Variants in PLEKHA2 observed in about 807,000 individuals in gnomAD.
The protein encoded by PLEKHA2 is pleckstrin homology domain containing A2.
PLEKHA2 carries 28 observed loss-of-function variants against 53.2 expected under a neutral mutation model. That is an observed-to-expected ratio of 0.53 (90% CI 0.39 to 0.72). The LOEUF (loss-of-function observed/expected upper bound fraction) is 0.72. PLEKHA2 is among the 30% of genes least tolerant of loss of function. The pLI, the probability that PLEKHA2 is intolerant of heterozygous loss-of-function variation, is 0.00. For missense variants in PLEKHA2, 426 were observed against 537.9 expected (o/e 0.79, Z 2.06); for synonymous variants, 193 against 196.4 (o/e 0.98, Z 0.14).
chr8:38,965,147 G>C (rs1835112515), intron 10 of PLEKHA2, among the ~76,000 whole-genome samples: 1 of 152,154 alleles, frequency 6.6e-6, no homozygotes, highest in African/African-American at 2.4e-5. Flanking sequence ...AATAATAGTG[G>C]TATTTTGATT....
chr8:38,967,806 C>T lies in PLEKHA2; in HGVS notation c.838-786C>T, dbSNP rs111325229. Among the ~76,000 whole-genome samples, 7 of 151,956 alleles carry T rather than the reference C, an allele frequency of 4.6e-5. 1 individual carries two copies. Among genetic ancestry groups the T allele is most frequent in the African/African-American group, 1.4e-4 (6 of 41,454 alleles). On this transcript the variant is annotated intron_variant, in intron 10 of 11. Coordinates refer to ENST00000617275, the MANE Select transcript of PLEKHA2 (RefSeq NM_021623.2). ...CCTCCCAAATAGCTGGGACTACGGG[C>T]GCACGCCACCACTCCTGGCTAATTT...
In PLEKHA2 at chr8:38,958,297, TG is replaced by T. The variant is rs564775310; in HGVS notation, c.837+914del. Among the ~76,000 whole-genome samples, 62 of 151,306 alleles carry T rather than the reference TG, an allele frequency of 4.1e-4. No homozygotes were observed. The South Asian group carries it at 5.2e-3, about 13-fold the overall frequency. On this transcript the variant is annotated intron_variant, in intron 10 of 11. Transcript: ENST00000617275. ...GAGATCATACCACTGCACTCCAGCC[TG>T]GGTGACAGAGCGAGACTTTGTCTCA...
chr8:38,940,657 G>C (rs990445012), intron 3 of PLEKHA2, among the ~76,000 whole-genome samples: 13 of 104,422 alleles, frequency 1.2e-4, no homozygotes, highest in South Asian at 7.9e-4. Flanking sequence ...GGGCGGGGGG[G>C]GGGGGTCAGA....
At chr8:38,909,110 T>A (rs943722171) in intron 1 of PLEKHA2, among the ~76,000 whole-genome samples, 1 of 150,904 alleles carries the variant, frequency 6.6e-6, no homozygotes, top group African/African-American at 2.4e-5. Flanking sequence ...GCCACTGCAC[T>A]CCAACCTGGG....
At chr8:38,954,277 G>A (rs1438022817) in intron 9 of PLEKHA2, among the ~76,000 whole-genome samples, 1 of 152,230 alleles carries the variant, frequency 6.6e-6, no homozygotes, top group Non-Finnish European at 1.5e-5. Context: ...GCAAATGGCA[G>A]TTGCAGAGTA....
intron 10 of PLEKHA2, among the ~76,000 whole-genome samples, chr8:38,967,819 T>G (rs1450412999): frequency 6.6e-6 from 1 of 151,830 alleles, no homozygotes; most frequent in East Asian, 1.9e-4. Flanking sequence ...ACGCCACCAC[T>G]CCTGGCTAAT....
intron 1 of PLEKHA2, among the ~76,000 whole-genome samples, chr8:38,910,143 G>T (rs1833935192): frequency 6.6e-6 from 1 of 152,112 alleles, no homozygotes; most frequent in Non-Finnish European, 1.5e-5. Context: ...TTTTGGTACA[G>T]ATGAGGTTTT....
At chr8:38,936,183 C>T (rs1834491776) in intron 3 of PLEKHA2, 133 bp downstream of exon 3, 1 of 933,216 alleles carries the variant, frequency 1.1e-6, no homozygotes, top group African/African-American at 1.6e-5. Flanking sequence ...CCCCTGAACC[C>T]ACACAATGCC....
At chr8:38,945,025 T>C (rs1834684195) in intron 4 of PLEKHA2, among the ~76,000 whole-genome samples, 1 of 151,872 alleles carries the variant, frequency 6.6e-6, no homozygotes, top group Non-Finnish European at 1.5e-5. Flanking sequence ...CTGTTAAGGG[T>C]CTCAGTTGCC....
intron 9 of PLEKHA2, among the ~76,000 whole-genome samples, chr8:38,953,931 C>T (rs1013359466): frequency 2.0e-5 from 3 of 152,222 alleles, no homozygotes; most frequent in African/African-American, 4.8e-5. Flanking sequence ...TAGTTACCTT[C>T]CAAGTGCCAC....
rs754269100 is a variant in PLEKHA2 at position 38,957,320 on chromosome 8, T to C, written c.774-3T>C. 1.9e-6 allele frequency: 3 copies of C among 1,610,358 alleles called. No homozygotes were observed. ...ATAACATTCTTTCTCTTTCTCTGTC[T>C]AGTGATCTCTTAATGAGGGACAACC... On this transcript the variant is annotated splice_polypyrimidine_tract_variant and splice_region_variant and intron_variant, in intron 9 of 11. Transcript: ENST00000617275.
At chr8:38,940,651 G>GGGGGGC (rs1834591292) in intron 3 of PLEKHA2, among the ~76,000 whole-genome samples, 2 of 12,304 alleles carry the variant, frequency 1.6e-4, no homozygotes, top group African/African-American at 5.6e-4. Context: ...TTGAAGGGGC[G>GGGGGGC]GGGGGGGGGG....
intron 1 of PLEKHA2, among the ~76,000 whole-genome samples, chr8:38,903,688 C>T (rs536908773): frequency 1.3e-5 from 2 of 152,286 alleles, no homozygotes; most frequent in East Asian, 3.9e-4. Context: ...CTGTCCAATT[C>T]ATGGGACAGA....
At chr8:38,904,260 T>C (rs143549974) in intron 1 of PLEKHA2, among the ~76,000 whole-genome samples, 1 of 152,336 alleles carries the variant, frequency 6.6e-6, no homozygotes, top group African/African-American at 2.4e-5. Context: ...AAAGCCGGAA[T>C]TGGGCTTTCT....
At chr8:38,904,585 C>T (rs967606044) in intron 1 of PLEKHA2, among the ~76,000 whole-genome samples, 2 of 152,224 alleles carry the variant, frequency 1.3e-5, no homozygotes, top group African/African-American at 4.8e-5. Context: ...TGTTAACTCT[C>T]AGGGTAGCCT....
At chr8:38,962,665 G>A (rs1170064750) in intron 10 of PLEKHA2, among the ~76,000 whole-genome samples, 1 of 152,222 alleles carries the variant, frequency 6.6e-6, no homozygotes, top group Non-Finnish European at 1.5e-5. Flanking sequence ...CCCATTCATA[G>A]AATGTCAAGG....
chr8:38,962,762 T>A (rs1055125152), intron 10 of PLEKHA2, among the ~76,000 whole-genome samples: 5 of 152,264 alleles, frequency 3.3e-5, no homozygotes, highest in African/African-American at 1.2e-4. Flanking sequence ...TAAGCCCAGT[T>A]GTTAGAACTA....
rs1564144789 is a variant in PLEKHA2, at chr8:38,951,100, G to T, written c.486+110G>T. The T allele has an allele frequency of 3.2e-6, 2 of 628,642 alleles. 1 individual carries two copies. Among genetic ancestry groups the T allele is most frequent in the Non-Finnish European group, 4.8e-6 (2 of 413,786 alleles). 38.9% of individuals were successfully genotyped at this position (628,642 alleles called of 1,614,324 possible). A position where few individuals can be genotyped will look rare whatever the true frequency, so the allele number is the denominator to read the frequency against. Reference sequence around the variant, plus strand: ...TGGGGAAAAGGAGGGTGGGAGTGGGGGGCAGCTGGTGCCAGTGGAGCCATC... The same window carrying T: ...TGGGGAAAAGGAGGGTGGGAGTGGGTGGCAGCTGGTGCCAGTGGAGCCATC... On this transcript the variant is annotated intron_variant, in intron 6 of 11. Transcript: ENST00000617275.
chr8:38,905,842 G>A (rs191296321), intron 1 of PLEKHA2, among the ~76,000 whole-genome samples: 3 of 152,046 alleles, frequency 2.0e-5, no homozygotes, highest in Admixed American at 1.3e-4. Flanking sequence ...ATGCCACCAC[G>A]CCCAGCTAAT....
Sources: gnomAD v4.1 joint callset for allele counts (sites outside exome capture counted in the v4.1 genomes callset) on GRCh38, gnomAD v4.1.1 for gene constraint, MANE v1.5 for transcripts, NCBI Gene and HGNC (gene_info 2026-07-23, HGNC 2026-07-21) for gene names.